SLC39A11: variants seen among roughly 807,000 people sequenced by gnomAD.
The protein encoded by SLC39A11 is zinc transporter ZIP11.
A neutral mutation model predicts 36.1 loss-of-function variants in SLC39A11; 33 were observed. The observed-to-expected ratio is 0.91, with a 90% CI of 0.69 to 1.22. SLC39A11 has a LOEUF of 1.22. Ranked by LOEUF, SLC39A11 falls within the 50% of genes most tolerant of loss-of-function variation. The pLI is 0.00. For synonymous variants in SLC39A11, 166 were observed against 170.3 expected, an observed-to-expected ratio of 0.97 and a Z score of 0.20; for missense variants, 432 against 430.3, an observed-to-expected ratio of 1.00 and a Z score of -0.03.
chr17:72,803,437 G>C (rs956000668), intron 6 of SLC39A11, among the ~76,000 whole-genome samples: 1 of 152,210 alleles, frequency 6.6e-6, no homozygotes. Context: ...AATGCCACAC[G>C]CAGGAGGTAC....
At chr17:72,732,025 T>TC (rs2074240845) in intron 7 of SLC39A11, among the ~76,000 whole-genome samples, 3 of 93,856 alleles carry the variant, frequency 3.2e-5, no homozygotes, top group Non-Finnish European at 6.8e-5. Flanking sequence ...TTTCTTTATT[T>TC]TTTTCTTTTC....
intron 6 of SLC39A11, among the ~76,000 whole-genome samples, chr17:72,747,950 T>C (rs558753848): frequency 1.9e-4 from 29 of 152,364 alleles, no homozygotes; most frequent in Non-Finnish European, 4.1e-4. Flanking sequence ...CTAATCCTGC[T>C]ATTTATATTG....
chr17:72,872,146 C>T (rs2080666580), intron 5 of SLC39A11, among the ~76,000 whole-genome samples: 1 of 152,180 alleles, frequency 6.6e-6, no homozygotes, highest in South Asian at 2.1e-4. Flanking sequence ...TGTCCCAGTG[C>T]CTGGGGAGGG....
chr17:73,012,911 G>A (rs146011246), intron 4 of SLC39A11, among the ~76,000 whole-genome samples: 10 of 151,976 alleles, frequency 6.6e-5, no homozygotes, highest in African/African-American at 2.4e-4. Context: ...CGATTCTCCT[G>A]TCTCAGCCTC....
intron 4 of SLC39A11, among the ~76,000 whole-genome samples, chr17:72,984,600 C>A (rs577962593): frequency 6.6e-6 from 1 of 152,286 alleles, no homozygotes; most frequent in South Asian, 2.1e-4. Context: ...GTTATCAGGC[C>A]CCATTCCAGG....
intron 6 of SLC39A11, among the ~76,000 whole-genome samples, chr17:72,831,382 G>A (rs983617239): frequency 3.9e-5 from 6 of 152,138 alleles, no homozygotes; most frequent in Non-Finnish European, 7.4e-5. Context: ...CAGGATAACT[G>A]CTATTTATCT....
chr17:72,856,517 G>A lies in SLC39A11; in HGVS notation c.431-6713C>T, dbSNP rs147734881. Among the ~76,000 whole-genome samples the A allele has an allele frequency of 5.7e-4, 87 of 152,190 alleles. No individual in the cohort carries two copies. In the East Asian group the frequency reaches 0.013, roughly 23 times the overall value. ...ATACATCAGACAGACGTATCCACTT[G>A]GCCAAGTTGGAGTTTTAGCCTCAAA... is the stretch of plus-strand genomic sequence containing the variant. On this transcript the variant is annotated intron_variant, in intron 5 of 9. Coordinates refer to ENST00000255559, the MANE Select transcript of SLC39A11 (RefSeq NM_139177.4).
chr17:72,922,724 T>A (rs1172371688), intron 5 of SLC39A11, among the ~76,000 whole-genome samples: 1 of 152,028 alleles, frequency 6.6e-6, no homozygotes, highest in African/African-American at 2.4e-5. Flanking sequence ...TCCCAGCACT[T>A]TGGGAGGCTG....
At chr17:72,802,783 T>C (rs2077134185) in intron 6 of SLC39A11, among the ~76,000 whole-genome samples, 1 of 152,006 alleles carries the variant, frequency 6.6e-6, no homozygotes, top group Non-Finnish European at 1.5e-5. Flanking sequence ...TCTTTGTAGG[T>C]GCCCTCGAGG....
chr17:73,011,087 C>CACAGGCAT (rs1185664222), intron 4 of SLC39A11, among the ~76,000 whole-genome samples: 1 of 151,938 alleles, frequency 6.6e-6, no homozygotes, highest in African/African-American at 2.4e-5. Context: ...TACACAGGCA[C>CACAGGCAT]ACAGGTGATG....
At chr17:72,786,993 T>C (rs2076538983) in intron 6 of SLC39A11, among the ~76,000 whole-genome samples, 1 of 151,866 alleles carries the variant, frequency 6.6e-6, no homozygotes, top group Admixed American at 6.6e-5. Context: ...CTAATTTTTG[T>C]ATTTTTAGTA....
At chr17:72,912,493 G>C (rs2083074903) in intron 5 of SLC39A11, among the ~76,000 whole-genome samples, 1 of 151,444 alleles carries the variant, frequency 6.6e-6, no homozygotes, top group East Asian at 1.9e-4. Context: ...GGAGTGCAGT[G>C]GCATGATCAC....
At chr17:72,670,122 T>C (rs1165654449) in intron 7 of SLC39A11, among the ~76,000 whole-genome samples, 1 of 150,644 alleles carries the variant, frequency 6.6e-6, no homozygotes, top group East Asian at 1.9e-4. Context: ...ATATAGTTTG[T>C]TTTGTAGAGA....
At chr17:72,895,884 T>C (rs9894369) in intron 5 of SLC39A11, among the ~76,000 whole-genome samples, 85,877 of 152,018 alleles carry the variant, frequency 0.56, 24,696 homozygotes, top group East Asian at 0.72. Context: ...TGTAGTTAAA[T>C]GAAAATTGCT....
At chr17:72,913,369 A>T (rs560821781) in intron 5 of SLC39A11, among the ~76,000 whole-genome samples, 1 of 152,324 alleles carries the variant, frequency 6.6e-6, no homozygotes, top group Non-Finnish European at 1.5e-5. Context: ...GGAGAAATTA[A>T]TCCTGGAGAA....
chr17:73,019,213 A>T (rs2058264882), intron 4 of SLC39A11, among the ~76,000 whole-genome samples: 1 of 152,214 alleles, frequency 6.6e-6, no homozygotes, highest in Non-Finnish European at 1.5e-5. Flanking sequence ...GAAAAATAAT[A>T]TTAGATAAAA....
intron 7 of SLC39A11, among the ~76,000 whole-genome samples, chr17:72,715,081 AG>A (rs1341035828): frequency 1.2e-4 from 19 of 152,300 alleles, no homozygotes; most frequent in Admixed American, 1.1e-3. Context: ...GCAGCATCCC[AG>A]GGTCTGCACT....
chr17:72,871,028 G>T (rs191086841), intron 5 of SLC39A11, among the ~76,000 whole-genome samples: 2 of 145,800 alleles, frequency 1.4e-5, no homozygotes, highest in East Asian at 2.1e-4. Flanking sequence ...CTGGTTTTTG[G>T]TTTTTTTTGT....
intron 4 of SLC39A11, among the ~76,000 whole-genome samples, chr17:72,996,000 C>T (rs2089483154): frequency 6.6e-6 from 1 of 152,036 alleles, no homozygotes; most frequent in Non-Finnish European, 1.5e-5. Flanking sequence ...CCACCCTAAT[C>T]CCCACCCTTC....
Sources: gnomAD v4.1 joint callset for allele counts (sites outside exome capture counted in the v4.1 genomes callset) on GRCh38, gnomAD v4.1.1 for gene constraint, MANE v1.5 for transcripts, NCBI Gene and HGNC (gene_info 2026-07-23, HGNC 2026-07-21) for gene names.